Variants in TUSC3 observed in about 807,000 individuals in gnomAD.
TUSC3 encodes tumor suppressor candidate 3.
A neutral mutation model predicts 44.8 loss-of-function variants in TUSC3; 45 were observed. The observed-to-expected ratio is 1.00, with a 90% CI of 0.79 to 1.29. The LOEUF is 1.29. Ranked by LOEUF, TUSC3 falls within the 50% of genes most tolerant of loss-of-function variation. The pLI is 0.00. For synonymous variants in TUSC3, 212 were observed against 152.9 expected (o/e 1.39, Z -2.85); for missense variants, 519 against 437.9 (o/e 1.19, Z -1.65).
intron 2 of TUSC3, among the ~76,000 whole-genome samples, chr8:15,624,734 C>A (rs1805413540): frequency 6.6e-6 from 1 of 152,080 alleles, no homozygotes; most frequent in Non-Finnish European, 1.5e-5. Context: ...AATATTTTCT[C>A]CCAGTTTGTG....
chr8:15,662,261 A>G lies in TUSC3; in HGVS notation c.673A>G (p.Ile225Val), dbSNP rs1253794321. Residue 225 changes from isoleucine (I) to valine (V), a missense_variant, in exon 5 of 11, where the codon ATC becomes GTC. Coordinates refer to ENST00000503731, the MANE Select transcript of TUSC3 (RefSeq NM_006765.4). ...TTTGAGAAGGAACAACTTGGAGTTCATCTATAACAAGACTGGTTGGGCCAT... is the reference window on the plus strand; with the variant it reads ...TTTGAGAAGGAACAACTTGGAGTTCGTCTATAACAAGACTGGTTGGGCCAT... ...LYLRRNNLEF[I>V]YNKTGWAMVS... The G allele has an allele frequency of 3.1e-6, 5 of 1,613,134 alleles. No individual in the cohort carries two copies. The highest frequency in any genetic ancestry group is 1.7e-4 in the Middle Eastern group (1 of 6,052).
the TUSC3 span, among the ~76,000 whole-genome samples, chr8:15,794,092 A>G: frequency 6.6e-6 from 1 of 152,168 alleles, no homozygotes; most frequent in South Asian, 2.1e-4. Flanking sequence ...TGAACTGTAC[A>G]TTTCAATTGC....
At chr8:15,492,652 A>AGTTGATAT (rs1478178834) in intron 2 of TUSC3, among the ~76,000 whole-genome samples, 50 of 152,202 alleles carry the variant, frequency 3.3e-4, no homozygotes, top group Non-Finnish European at 5.6e-4. Flanking sequence ...ATGTCACGTA[A>AGTTGATAT]CAGGCTGGGC....
chr8:15,590,936 A>C (rs1803809328), intron 1 of TUSC3, among the ~76,000 whole-genome samples: 3 of 152,110 alleles, frequency 2.0e-5, no homozygotes, highest in Admixed American at 2.0e-4. Flanking sequence ...GGCCTCCCAG[A>C]GTGCTTGAAT....
At chr8:15,772,276 CA>C in the TUSC3 span, among the ~76,000 whole-genome samples, 1 of 151,800 alleles carries the variant, frequency 6.6e-6, no homozygotes. Context: ...TTTGAAATAT[CA>C]AAAAAATTGG....
At chr8:15,817,823 C>A in the TUSC3 span, among the ~76,000 whole-genome samples, 1 of 152,050 alleles carries the variant, frequency 6.6e-6, no homozygotes, top group African/African-American at 2.4e-5. Context: ...AGATCTTGTC[C>A]CCAAACTATG....
intron 1 of TUSC3, among the ~76,000 whole-genome samples, chr8:15,457,819 A>ACTT (rs1029510021): frequency 1.8e-5 from 1 of 56,838 alleles, no homozygotes; most frequent in Non-Finnish European, 3.9e-5. Flanking sequence ...TTTATTAGAT[A>ACTT]ATTAATTATT....
At chr8:15,459,371 CTCT>C in intron 1 of TUSC3, among the ~76,000 whole-genome samples, 1 of 152,106 alleles carries the variant, frequency 6.6e-6, no homozygotes, top group Middle Eastern at 3.4e-3. Flanking sequence ...TTTGAAGAAA[CTCT>C]TCTTTTTTTT....
rs1397063241 is a variant in TUSC3, at chr8:15,540,458, C to A, written c.28C>A (p.Arg10Ser). The A allele has an allele frequency of 6.2e-7, 1 of 1,604,762 alleles. No individual in the cohort carries two copies. The highest frequency in any genetic ancestry group is 1.7e-5 in the Admixed American group (1 of 59,240). Residue 10 changes from arginine (R) to serine (S), a missense_variant, in exon 1 of 11, where the codon CGT becomes AGT. Arg to Ser is a moderately radical substitution (Grantham distance 110, BLOSUM62 -1). Transcript: ENST00000503731. ...GGGGGCCCGGGGCGCTCCTTCACGC[C>A]GTAGGCAAGCGGGGCGGCGGCTGCG... MGARGAPSR[R>S]RQAGRRLRYL...
At chr8:15,584,437 G>C (rs1282185104) in intron 1 of TUSC3, among the ~76,000 whole-genome samples, 1 of 152,150 alleles carries the variant, frequency 6.6e-6, no homozygotes, top group Non-Finnish European at 1.5e-5. Context: ...ATGAGTGCTA[G>C]CACTCTTACA....
intron 8 of TUSC3, 63 bp from the exon 9 acceptor site, chr8:15,748,312 T>TAAACA: frequency 8.1e-7 from 1 of 1,237,434 alleles, no homozygotes. Context: ...TTTAAAAATA[T>TAAACA]AAACAATTGG....
At chr8:15,638,977 G>T (rs1806228456) in intron 2 of TUSC3, among the ~76,000 whole-genome samples, 1 of 150,392 alleles carries the variant, frequency 6.6e-6, no homozygotes, top group African/African-American at 2.4e-5. Context: ...GTCGATGCTA[G>T]ATCACGTGAT....
chr8:15,435,486 T>A (rs1799934208), intron 1 of TUSC3, among the ~76,000 whole-genome samples: 1 of 152,216 alleles, frequency 6.6e-6, no homozygotes, highest in African/African-American at 2.4e-5. Context: ...ATAACATTGA[T>A]GATGCATGCA....
chr8:15,830,067 T>C, the TUSC3 span, among the ~76,000 whole-genome samples: 1 of 152,204 alleles, frequency 6.6e-6, no homozygotes, highest in Non-Finnish European at 1.5e-5. Flanking sequence ...CATTTTTTAA[T>C]GTTTGTTGGC....
chr8:15,571,566 T>G (rs2129143397), intron 1 of TUSC3, among the ~76,000 whole-genome samples: 1 of 152,284 alleles, frequency 6.6e-6, no homozygotes, highest in Admixed American at 6.5e-5. Context: ...GTTTTGCTTC[T>G]TGTTGATGGC....
chr8:15,585,908 A>C (rs541679296), intron 1 of TUSC3, among the ~76,000 whole-genome samples: 58 of 152,200 alleles, frequency 3.8e-4, no homozygotes, highest in African/African-American at 1.4e-3. Flanking sequence ...GTAAGTAGAG[A>C]GTTAAAGCCA....
chr8:15,673,304 A>C (rs1339487457), intron 5 of TUSC3, among the ~76,000 whole-genome samples: 2 of 152,072 alleles, frequency 1.3e-5, no homozygotes, highest in Non-Finnish European at 2.9e-5. Flanking sequence ...AGATTTAAGT[A>C]CCGTAATCCA....
At chr8:15,420,211 A>G (rs1406354808) in intron 1 of TUSC3, among the ~76,000 whole-genome samples, 4 of 152,032 alleles carry the variant, frequency 2.6e-5, no homozygotes, top group African/African-American at 4.8e-5. Context: ...TAAGAGTTCT[A>G]TGTGGCCAGG....
At chr8:15,821,994 T>A in the TUSC3 span, among the ~76,000 whole-genome samples, 1 of 152,164 alleles carries the variant, frequency 6.6e-6, no homozygotes, top group Admixed American at 6.5e-5. Flanking sequence ...GATGATTTGA[T>A]AAGGCTGGTA....
Sources: allele counts gnomAD v4.1 joint callset (sites outside exome capture counted in the v4.1 genomes callset), GRCh38; gene constraint gnomAD v4.1.1; transcripts MANE v1.5; gene names NCBI Gene and HGNC (gene_info 2026-07-23, HGNC 2026-07-21).